The following TENM2 variants were observed in gnomAD, a reference collection of about 807,000 sequenced individuals.
The protein encoded by TENM2 is teneurin transmembrane protein 2.
In TENM2, 52 loss-of-function variants were observed where a neutral mutation model predicts 245.2. The observed-to-expected ratio is 0.21, with a 90% CI of 0.17 to 0.27. The LOEUF is 0.27. Among genes scored for constraint, TENM2 ranks in the 10% least tolerant of loss-of-function variants. The pLI is 1.00. For missense variants in TENM2, 3,046 were observed against 3,666.8 expected, an observed-to-expected ratio of 0.83 and a Z score of 4.37; for synonymous variants, 1,363 against 1,438.9, an observed-to-expected ratio of 0.95 and a Z score of 1.19.
chr5:167,200,760 A>G, the TENM2 span, among the ~76,000 whole-genome samples: 5 of 152,152 alleles, frequency 3.3e-5, no homozygotes, highest in East Asian at 1.9e-4. Context: ...CAGATTTTCC[A>G]TTAGGTACTT....
chr5:167,328,204 G>GT (rs70976412), intron 1 of TENM2, among the ~76,000 whole-genome samples: 3,035 of 90,846 alleles, frequency 0.033, 75 homozygotes, highest in African/African-American at 0.069. Flanking sequence ...TTCTCATATC[G>GT]TTTTTTTTTT....
the TENM2 span, among the ~76,000 whole-genome samples, chr5:167,222,219 G>GATGGA: frequency 4.3e-4 from 66 of 152,212 alleles, no homozygotes; most frequent in African/African-American, 1.5e-3. Flanking sequence ...CTGCACAGAT[G>GATGGA]ATGGCCAAGC....
At chr5:168,098,179 T>C in intron 9 of TENM2, 52 bp downstream of exon 11, 2 of 1,336,368 alleles carry the variant, frequency 1.5e-6, no homozygotes, top group Non-Finnish European at 2.1e-6. Flanking sequence ...CTCCCTAGGC[T>C]TCTCTGAGCG....
the TENM2 span, among the ~76,000 whole-genome samples, chr5:167,098,842 A>C: frequency 3.9e-5 from 6 of 152,180 alleles, no homozygotes; most frequent in Non-Finnish European, 7.3e-5. Context: ...CTCGTGCATC[A>C]ACTAGTGATG....
intron 23 of TENM2, among the ~76,000 whole-genome samples, chr5:168,224,684 C>T (rs1763998140): frequency 6.6e-6 from 1 of 152,134 alleles, no homozygotes; most frequent in South Asian, 2.1e-4. Flanking sequence ...ATCCCTCAGA[C>T]CCTGCCAGCT....
intron 2 of TENM2, among the ~76,000 whole-genome samples, chr5:167,418,785 T>G (rs1219105827): frequency 6.6e-6 from 1 of 152,186 alleles, no homozygotes; most frequent in African/African-American, 2.4e-5. Flanking sequence ...CATTATATTT[T>G]GAAAAGCCAA....
chr5:168,038,346 C>A (rs1186410424), intron 5 of TENM2, among the ~76,000 whole-genome samples: 1 of 152,128 alleles, frequency 6.6e-6, no homozygotes, highest in Non-Finnish European at 1.5e-5. Flanking sequence ...TTACCCCCAC[C>A]CAGATCCTCA....
intron 2 of TENM2, among the ~76,000 whole-genome samples, chr5:167,749,357 A>C (rs59682785): frequency 0.075 from 11,472 of 152,186 alleles, 512 homozygotes; most frequent in Middle Eastern, 0.12. Context: ...AAATTCAAGG[A>C]AGCTGGGAAC....
chr5:167,038,089 A>C, the TENM2 span, among the ~76,000 whole-genome samples: 1 of 152,204 alleles, frequency 6.6e-6, no homozygotes, highest in African/African-American at 2.4e-5. Context: ...CTGTGGGATG[A>C]AGACTGAGGG....
At chr5:167,542,309 T>G (rs1041243635) in intron 2 of TENM2, among the ~76,000 whole-genome samples, 2 of 152,182 alleles carry the variant, frequency 1.3e-5, no homozygotes, top group African/African-American at 2.4e-5. Flanking sequence ...TTTCAAGAGC[T>G]TCTCTTGAAA....
the TENM2 span, among the ~76,000 whole-genome samples, chr5:167,060,510 G>A: frequency 6.6e-6 from 1 of 151,766 alleles, no homozygotes. Flanking sequence ...AATTAGCCAG[G>A]CATGGTGGTG....
intron 28 of TENM2, among the ~76,000 whole-genome samples, chr5:168,261,371 C>T (rs952688777): frequency 6.6e-6 from 1 of 152,206 alleles, no homozygotes; most frequent in African/African-American, 2.4e-5. Context: ...GCCTGACTCT[C>T]TCAGCCTGGT....
At chr5:167,890,184 C>G (rs1774630457) in intron 3 of TENM2, among the ~76,000 whole-genome samples, 1 of 151,994 alleles carries the variant, frequency 6.6e-6, no homozygotes, top group Admixed American at 6.5e-5. Context: ...AAGTTCTTTT[C>G]CAACTTTCAA....
the TENM2 span, among the ~76,000 whole-genome samples, chr5:167,028,427 T>G: frequency 2.6e-5 from 4 of 152,106 alleles, no homozygotes; most frequent in African/African-American, 9.7e-5. Context: ...AGATAGTAAT[T>G]TAATGTTGAT....
At chr5:167,329,647 G>A (rs1757317181) in intron 1 of TENM2, among the ~76,000 whole-genome samples, 1 of 151,066 alleles carries the variant, frequency 6.6e-6, no homozygotes, top group Admixed American at 6.6e-5. Flanking sequence ...AGGAGCTTGA[G>A]TGGGTAGACA....
chr5:167,253,786 G>C, the TENM2 span, among the ~76,000 whole-genome samples: 1 of 152,012 alleles, frequency 6.6e-6, no homozygotes, highest in Non-Finnish European at 1.5e-5. Context: ...ATTATTTGTT[G>C]ATTGTCTGAC....
intron 2 of TENM2, among the ~76,000 whole-genome samples, chr5:167,871,582 A>T (rs189220222): frequency 6.6e-6 from 1 of 152,202 alleles, no homozygotes; most frequent in African/African-American, 2.4e-5. Flanking sequence ...AAACACTTAC[A>T]CACACACCCA....
chr5:167,477,775 A>G lies in TENM2; in HGVS notation c.502+102302A>G, dbSNP rs186979338. On this transcript the variant is annotated intron_variant, in intron 2 of 28. Transcript: ENST00000518659. ...TGCCCACCAAAAAAATAGAGGATAG[A>G]TAGATGGATAGATGATAGACAGATA... Among the ~76,000 whole-genome samples the G allele has an allele frequency of 2.9e-3, 436 of 152,242 alleles. 7 individuals are homozygous for G. In the South Asian group the frequency reaches 0.029, roughly 10 times the overall value.
At chr5:168,003,343 ACACCCC>A (rs780015786) in intron 5 of TENM2, among the ~76,000 whole-genome samples, 1 of 104,758 alleles carries the variant, frequency 9.5e-6, no homozygotes, top group Non-Finnish European at 2.1e-5. Context: ...ACACACACAC[ACACCCC>A]CAAAGCTGGC....
Sources: gnomAD v4.1 joint callset for allele counts (sites outside exome capture counted in the v4.1 genomes callset) on GRCh38, gnomAD v4.1.1 for gene constraint, MANE v1.5 for transcripts, NCBI Gene and HGNC (gene_info 2026-07-23, HGNC 2026-07-21) for gene names.